JAK1: variants seen among roughly 807,000 people sequenced by gnomAD.
The protein encoded by JAK1 is Janus kinase 1, also known as tyrosine-protein kinase JAK1.
In JAK1, 16 loss-of-function variants were observed where a neutral mutation model predicts 136.6. The ratio of observed to expected loss-of-function variants is 0.12; its 90% CI spans 0.08 to 0.18. The LOEUF (loss-of-function observed/expected upper bound fraction) is 0.18. JAK1 is among the 10% of genes least tolerant of loss of function. The pLI is 1.00. For synonymous variants in JAK1, 492 were observed against 519.5 expected, an observed-to-expected ratio of 0.95 and a Z score of 0.72; for missense variants, 859 against 1,450.1, an observed-to-expected ratio of 0.59 and a Z score of 6.62.
At chr1:64,993,788 G>A (rs892515415) in intron 2 of JAK1, among the ~76,000 whole-genome samples, 1 of 152,138 alleles carries the variant, frequency 6.6e-6, no homozygotes, top group Non-Finnish European at 1.5e-5. Flanking sequence ...TGGGATTACA[G>A]GCGCCCACCA....
intron 6 of JAK1, 56 bp downstream of exon 6, chr1:64,869,255 C>A: frequency 6.5e-7 from 1 of 1,527,328 alleles, no homozygotes; most frequent in South Asian, 1.1e-5. Context: ...TGTGTAAGAA[C>A]ATGTAGAAAC....
In JAK1 at chr1:64,839,802, G is replaced by A. The variant is rs377233451; in HGVS notation, c.2650-7C>T. Reference sequence around the variant, plus strand: ...CAACCTTCCCAAAGTGGCCCTGGAGGGAAAGATGCATGTGCTGTTATCAGG... The same window carrying A: ...CAACCTTCCCAAAGTGGCCCTGGAGAGAAAGATGCATGTGCTGTTATCAGG... On this transcript the variant is annotated splice_region_variant and splice_polypyrimidine_tract_variant and intron_variant, in intron 19 of 24. Coordinates refer to ENST00000342505, the MANE Select transcript of JAK1 (RefSeq NM_002227.4). 12 of 1,600,016 alleles carry A rather than the reference G, an allele frequency of 7.5e-6. No homozygotes were observed. In the African/African-American group the frequency reaches 1.5e-4, roughly 20 times the overall value.
intron 2 of JAK1, among the ~76,000 whole-genome samples, chr1:64,979,390 C>G (rs1235154931): frequency 6.6e-6 from 1 of 152,012 alleles, no homozygotes; most frequent in South Asian, 2.1e-4. Flanking sequence ...CAGAGTGAGA[C>G]CTCACTTCTA....
intron 1 of JAK1, among the ~76,000 whole-genome samples, chr1:64,887,690 T>C (rs1644872191): frequency 6.6e-6 from 1 of 152,160 alleles, no homozygotes; most frequent in South Asian, 2.1e-4. Flanking sequence ...AGAGGGAATG[T>C]GATCTGGTCT....
At chr1:64,898,590 T>C (rs1025388312) in intron 1 of JAK1, among the ~76,000 whole-genome samples, 2 of 152,244 alleles carry the variant, frequency 1.3e-5, no homozygotes, top group African/African-American at 4.8e-5. Context: ...TGACTGCAGA[T>C]GACAAAGAGA....
chr1:65,003,129 A>G (rs934834903), intron 2 of JAK1, among the ~76,000 whole-genome samples: 5 of 150,576 alleles, frequency 3.3e-5, no homozygotes, highest in Non-Finnish European at 7.4e-5. Context: ...ACCGTGGAAC[A>G]GCCGCGTGAC....
chr1:64,985,681 G>A, intron 2 of JAK1: 1 of 719,610 alleles, frequency 1.4e-6, no homozygotes. Flanking sequence ...ATGTACGTGG[G>A]CACAAAACCT....
At chr1:64,909,006 G>A (rs547395333) in intron 1 of JAK1, among the ~76,000 whole-genome samples, 4 of 152,280 alleles carry the variant, frequency 2.6e-5, no homozygotes, top group South Asian at 2.1e-4. Flanking sequence ...ATGAATGAAC[G>A]AACGAACGAG....
intron 1 of JAK1, among the ~76,000 whole-genome samples, chr1:65,045,681 C>A (rs555265184): frequency 6.6e-6 from 1 of 152,188 alleles, no homozygotes; most frequent in Non-Finnish European, 1.5e-5. Flanking sequence ...CTGGCACAAG[C>A]AGGAACACAA....
chr1:64,974,145 TCA>T (rs1646478334), intron 2 of JAK1: 1 of 152,202 alleles, frequency 6.6e-6, no homozygotes. Context: ...GGTATGGGTA[TCA>T]CACATTTGGT....
At chr1:64,964,076 C>T (rs1213954183) in intron 1 of JAK1, among the ~76,000 whole-genome samples, 1 of 152,206 alleles carries the variant, frequency 6.6e-6, no homozygotes, top group Admixed American at 6.5e-5. Context: ...GTTCCATATA[C>T]CACTGAGCCA....
At chr1:64,882,028 A>G (rs1373697668) in intron 3 of JAK1, among the ~76,000 whole-genome samples, 1 of 152,210 alleles carries the variant, frequency 6.6e-6, no homozygotes, top group Non-Finnish European at 1.5e-5. Flanking sequence ...CTGTCTAAAG[A>G]TGGTTATTTG....
chr1:64,973,137 G>GAGAAAGAAAGAAAGAAAGGA (rs1557737225), intron 2 of JAK1: 6 of 114,324 alleles, frequency 5.2e-5, no homozygotes, highest in Non-Finnish European at 1.2e-4. Flanking sequence ...GAAAGAAAAA[G>GAGAAAGAAAGAAAGAAAGGA]AGAAAGAAAG....
intron 2 of JAK1, among the ~76,000 whole-genome samples, chr1:65,021,561 G>T (rs573829725): frequency 2.4e-4 from 36 of 152,266 alleles, no homozygotes; most frequent in African/African-American, 8.4e-4. Flanking sequence ...TCTTTATTGG[G>T]TGGCTGCACT....
intron 1 of JAK1, among the ~76,000 whole-genome samples, chr1:64,913,881 A>G (rs890917841): frequency 3.3e-5 from 5 of 152,246 alleles, no homozygotes; most frequent in Non-Finnish European, 7.3e-5. Context: ...GACTGGAGAT[A>G]GCACATTTCT....
intron 1 of JAK1, among the ~76,000 whole-genome samples, chr1:65,061,957 TAGAGA>T (rs1453779203): frequency 4.6e-5 from 7 of 152,282 alleles, no homozygotes; most frequent in East Asian, 1.9e-4. Flanking sequence ...TGAGAGTGAT[TAGAGA>T]AGAGGTGTCA....
At chr1:65,041,693 T>C (rs1277310068) in intron 2 of JAK1, among the ~76,000 whole-genome samples, 10 of 152,126 alleles carry the variant, frequency 6.6e-5, no homozygotes, top group African/African-American at 2.4e-4. Flanking sequence ...ATACTTATAC[T>C]ATATATACAT....
chr1:64,848,665 A>T (rs547054813), intron 12 of JAK1, among the ~76,000 whole-genome samples: 2 of 152,294 alleles, frequency 1.3e-5, no homozygotes, highest in Non-Finnish European at 2.9e-5. Context: ...AATATTTGGA[A>T]ATCGAAATGG....
upstream of JAK1, among the ~76,000 whole-genome samples, chr1:64,969,426 C>T (rs545631417): frequency 5.3e-5 from 8 of 150,230 alleles, no homozygotes; most frequent in South Asian, 1.1e-3. Flanking sequence ...TCCCCACCCT[C>T]CTCCTTTCCC....
Sources: gnomAD v4.1 joint callset for allele counts (sites outside exome capture counted in the v4.1 genomes callset) on GRCh38, gnomAD v4.1.1 for gene constraint, MANE v1.5 for transcripts, NCBI Gene and HGNC (gene_info 2026-07-23, HGNC 2026-07-21) for gene names.